Variants in OTOP3 observed in about 807,000 individuals in gnomAD.
OTOP3 encodes proton channel OTOP3.
In OTOP3, 41 loss-of-function variants were observed where a neutral mutation model predicts 50.8. The observed-to-expected ratio is 0.81, with a 90% CI of 0.63 to 1.05. The LOEUF is 1.05. OTOP3 is among the 50% of genes least tolerant of loss of function. The pLI, the probability that OTOP3 is intolerant of heterozygous loss-of-function variation, is 0.00. For synonymous variants in OTOP3, 320 were observed against 324.4 expected (o/e 0.99, Z 0.14); for missense variants, 788 against 760.8 (o/e 1.04, Z -0.42).
chr17:74,941,294 C>T lies in OTOP3; in HGVS notation c.20-99C>T, dbSNP rs375275819. ...TGTCCCAACCACCCAACCAGAGAGG[C>T]CGCATAGCTGACCCTGGGTCACACA... On this transcript the variant is annotated intron_variant, in intron 1 of 6. Transcript: ENST00000328801. The T allele has an allele frequency of 2.8e-5, 36 of 1,300,428 alleles. No homozygotes were observed. The East Asian group carries it at 8.4e-4, about 30-fold the overall frequency. The allele number at this position is 1,300,428 out of a possible 1,614,324, so 80.6% of individuals were successfully genotyped here.
chr17:74,941,865 G>C, intron 2 of OTOP3, 36 bp from the exon 3 acceptor site: 1 of 1,591,600 alleles, frequency 6.3e-7, no homozygotes, highest in Non-Finnish European at 8.6e-7. Context: ...AGCCGGTTCC[G>C]CGCAGGTGCC....
At chr17:74,938,638 G>A (rs2039141941) in intron 1 of OTOP3, among the ~76,000 whole-genome samples, 1 of 152,182 alleles carries the variant, frequency 6.6e-6, no homozygotes, top group Admixed American at 6.5e-5. Context: ...AGCCAGACCA[G>A]GAAGCAGCAG....
At position 74,943,307 on chromosome 17, in the gene OTOP3, T is replaced by C. The variant is rs1366044272; in HGVS notation, c.595T>C (p.Cys199Arg). 1.9e-6 allele frequency: 3 copies of C among 1,614,202 alleles called. No homozygotes were observed. The highest frequency in any genetic ancestry group is 1.7e-5 in the Admixed American group (1 of 60,024). The change falls in exon 4 of 7, where the codon TGC becomes CGC. Residue 199 changes from cysteine to arginine, a missense_variant. By Grantham distance (180) the Cys-to-Arg change is radical. Coordinates refer to ENST00000328801, the MANE Select transcript of OTOP3 (RefSeq NM_001272005.2). ...TCAGACCTGGGTGCTCTGGAAACAC[T>C]GCAAAGACTGTGTTCGGGTCCAGAC... The part of the protein sequence containing the change: ...GVQTWVLWKH[C>R]KDCVRVQTNF...
In OTOP3 at chr17:74,949,615, T is replaced by C; in HGVS notation, c.*199T>C. 1 of 619,642 alleles carries C rather than the reference T, an allele frequency of 1.6e-6. No homozygotes were observed. 38.4% of individuals were successfully genotyped at this position (619,642 alleles called of 1,614,324 possible). A position where few individuals can be genotyped will look rare whatever the true frequency, so the allele number is the denominator to read the frequency against. ...AGCAGGGGCCTGGACACTGAGCTTCTGATGCCCACGGCCAGGCCTGGGCAC... is the reference window on the plus strand; with the variant it reads ...AGCAGGGGCCTGGACACTGAGCTTCCGATGCCCACGGCCAGGCCTGGGCAC... On this transcript the variant is annotated 3_prime_UTR_variant, in exon 7 of 7. Coordinates refer to ENST00000328801, the MANE Select transcript of OTOP3 (RefSeq NM_001272005.2).
chr17:74,945,850 G>C (rs1257828320), intron 5 of OTOP3, among the ~76,000 whole-genome samples: 1 of 152,092 alleles, frequency 6.6e-6, no homozygotes, highest in Non-Finnish European at 1.5e-5. Context: ...ACAGTCATGG[G>C]AACACGGCTC....
At position 74,949,677 on chromosome 17, in the gene OTOP3, C is replaced by A; in HGVS notation, c.*261C>A. 2.1e-6 allele frequency: 1 copy of A among 475,990 alleles called. No homozygotes were observed. The highest frequency in any genetic ancestry group is 3.7e-6 in the Non-Finnish European group (1 of 268,872). The allele number at this position is 475,990 out of a possible 1,614,324, so 29.5% of individuals were successfully genotyped here. On this transcript the variant is annotated 3_prime_UTR_variant, in exon 7 of 7. Transcript: ENST00000328801. ...CTGCCTTCCCACCACGATCCGCAAG[C>A]CAAGGGTGCACCCCAGGAGGCTGGC... is the stretch of plus-strand genomic sequence containing the variant.
chr17:74,947,267 G>A lies in OTOP3; in HGVS notation c.1358G>A (p.Gly453Asp), dbSNP rs200305715. Reference sequence around the variant, plus strand: ...GCTCAGAACCTCTTCATCATCGAGGGCCTGCACCGGCGCCCACTCTGGGAG... The same window carrying A: ...GCTCAGAACCTCTTCATCATCGAGGACCTGCACCGGCGCCCACTCTGGGAG... ...HIAQNLFIIEGLHRRPLWETV... is the reference protein window; with the variant it reads ...HIAQNLFIIEDLHRRPLWETV... Residue 453 changes from glycine to aspartate, a missense_variant, in exon 6 of 7, where the codon GGC (glycine) becomes GAC (aspartate). Transcript: ENST00000328801. 4.2e-5 allele frequency: 68 copies of A among 1,613,470 alleles called. No individual in the cohort carries two copies. The highest frequency in any genetic ancestry group is 1.4e-5 in the Non-Finnish European group (16 of 1,179,860).
intron 1 of OTOP3, among the ~76,000 whole-genome samples, chr17:74,940,277 G>T (rs1452261950): frequency 6.6e-6 from 1 of 150,980 alleles, no homozygotes; most frequent in Non-Finnish European, 1.5e-5. Flanking sequence ...AAAGTGCTGA[G>T]ATTACAGGCA....
chr17:74,936,950 A>ACC (rs1210830076), intron 1 of OTOP3, among the ~76,000 whole-genome samples: 3 of 52,916 alleles, frequency 5.7e-5, no homozygotes, highest in Non-Finnish European at 8.3e-5. Context: ...GGCATTCATC[A>ACC]CCCCCCCACC....
rs1365791910 is a variant in OTOP3 at position 74,941,659 on chromosome 17, G to A, written c.286G>A (p.Val96Met). The A allele has an allele frequency of 3.1e-6, 5 of 1,614,164 alleles. No homozygotes were observed. The highest frequency in any genetic ancestry group is 4.2e-6 in the Non-Finnish European group (5 of 1,180,026). ...AFICSMIFNKVAVTLGDVWIL... is the reference protein window; with the variant it reads ...AFICSMIFNKMAVTLGDVWIL... ...CATCTGCAGCATGATCTTCAACAAGGTGGCCGTCACTCTGGGTGACGTGTG... is the reference window on the plus strand; with the variant it reads ...CATCTGCAGCATGATCTTCAACAAGATGGCCGTCACTCTGGGTGACGTGTG... The change falls in exon 2 of 7, where the codon GTG (valine) becomes ATG (methionine). Residue 96 changes from valine to methionine, a missense_variant. By Grantham distance (21) the Val-to-Met change is conservative (BLOSUM62 1). Transcript: ENST00000328801.
At chr17:74,943,847 G>C in intron 5 of OTOP3, 123 bp downstream of exon 5, 4 of 825,872 alleles carry the variant, frequency 4.8e-6, no homozygotes, top group Non-Finnish European at 7.6e-6. Flanking sequence ...ATAGAGTTGG[G>C]AGCAAACTCT....
chr17:74,947,618 G>C, intron 6 of OTOP3, 143 bp downstream of exon 6: 1 of 853,362 alleles, frequency 1.2e-6, no homozygotes, highest in Non-Finnish European at 1.8e-6. Context: ...GTTCCCTACA[G>C]GGTGCCTGGC....
chr17:74,936,258 G>A (rs1342998339), intron 1 of OTOP3, among the ~76,000 whole-genome samples: 1 of 152,204 alleles, frequency 6.6e-6, no homozygotes, highest in African/African-American at 2.4e-5. Flanking sequence ...GGGGCTGTCT[G>A]GACGCCCGGT....
intron 1 of OTOP3, among the ~76,000 whole-genome samples, chr17:74,940,428 T>C (rs1436634696): frequency 2.6e-5 from 4 of 152,118 alleles, no homozygotes; most frequent in Non-Finnish European, 4.4e-5. Flanking sequence ...ACTCCTATTG[T>C]GAAACTGATG....
rs781667152 is a variant in OTOP3, at chr17:74,947,263, G to A, written c.1354G>A (p.Glu452Lys). 2.2e-5 allele frequency: 36 copies of A among 1,613,506 alleles called. No homozygotes were observed. The highest frequency in any genetic ancestry group is 3.3e-5 in the Admixed American group (2 of 59,982). Residue 452 changes from glutamate to lysine, a missense_variant, in exon 6 of 7, where the codon GAG (glutamate) becomes AAG (lysine). Coordinates refer to ENST00000328801, the MANE Select transcript of OTOP3 (RefSeq NM_001272005.2). ...CATCGCTCAGAACCTCTTCATCATCGAGGGCCTGCACCGGCGCCCACTCTG... is the reference window on the plus strand; with the variant it reads ...CATCGCTCAGAACCTCTTCATCATCAAGGGCCTGCACCGGCGCCCACTCTG... ...QHIAQNLFII[E>K]GLHRRPLWET... is the part of the protein sequence containing the mutation.
intron 5 of OTOP3, among the ~76,000 whole-genome samples, chr17:74,946,455 G>A (rs1321171984): frequency 6.6e-6 from 1 of 152,222 alleles, no homozygotes; most frequent in Non-Finnish European, 1.5e-5. Context: ...GGCATCTGAA[G>A]TCTTCAATTC....
upstream of OTOP3, chr17:74,935,818 G>T: frequency 6.6e-7 from 1 of 1,516,258 alleles, no homozygotes; most frequent in South Asian, 1.2e-5. Context: ...CGCGGAGCCC[G>T]AGCGGCGGCT....
At chr17:74,942,524 G>A (rs1373899286) in intron 3 of OTOP3, among the ~76,000 whole-genome samples, 2 of 151,280 alleles carry the variant, frequency 1.3e-5, no homozygotes, top group Non-Finnish European at 3.0e-5. Flanking sequence ...CCAGCTACTC[G>A]GGAGGCTGAG....
intron 1 of OTOP3, among the ~76,000 whole-genome samples, chr17:74,936,958 ACC>A (rs1267780515): frequency 2.7e-4 from 8 of 29,782 alleles, no homozygotes; most frequent in Admixed American, 1.4e-3. Flanking sequence ...TCACCCCCCC[ACC>A]CTTTTTTTTT....
Sources: allele counts gnomAD v4.1 joint callset (sites outside exome capture counted in the v4.1 genomes callset), GRCh38; gene constraint gnomAD v4.1.1; transcripts MANE v1.5; gene names NCBI Gene and HGNC (gene_info 2026-07-23, HGNC 2026-07-21).